The following CD247 variants were observed in gnomAD, a reference collection of about 807,000 sequenced individuals.
CD247 encodes CD247 molecule.
Under a neutral mutation model 30.0 loss-of-function variants are expected in CD247, and 13 were observed. The ratio of observed to expected loss-of-function variants is 0.43; its 90% CI spans 0.28 to 0.69. The LOEUF (loss-of-function observed/expected upper bound fraction) is 0.69. CD247 is among the 30% of genes least tolerant of loss of function. The probability of loss-of-function intolerance (pLI) is 0.16; values close to 1 mark genes in which losing one functional copy is unlikely to be tolerated. For synonymous variants in CD247, 72 were observed against 80.0 expected (o/e 0.90, Z 0.53); for missense variants, 193 against 212.6 (o/e 0.91, Z 0.57).
At chr1:167,477,576 G>A (rs976060217) in intron 1 of CD247, among the ~76,000 whole-genome samples, 1 of 152,168 alleles carries the variant, frequency 6.6e-6, no homozygotes, top group African/African-American at 2.4e-5. Flanking sequence ...GGAGTGCAGT[G>A]GCGCTCCAGC....
At chr1:167,514,633 A>T (rs1655527031) in intron 1 of CD247, among the ~76,000 whole-genome samples, 2 of 152,076 alleles carry the variant, frequency 1.3e-5, no homozygotes, top group Admixed American at 6.6e-5. Context: ...ACCATATTGA[A>T]TGTTTGTTCA....
chr1:167,469,241 C>G (rs1571555145), intron 1 of CD247, among the ~76,000 whole-genome samples: 1 of 152,196 alleles, frequency 6.6e-6, no homozygotes, highest in Admixed American at 6.5e-5. Flanking sequence ...CCCTCAGCCT[C>G]CCAAAAAGTG....
At chr1:167,482,137 T>G (rs1269803794) in intron 1 of CD247, among the ~76,000 whole-genome samples, 5 of 152,216 alleles carry the variant, frequency 3.3e-5, no homozygotes, top group Non-Finnish European at 7.3e-5. Flanking sequence ...TGAAAAGTTC[T>G]CTGGCCTGAG....
intron 1 of CD247, among the ~76,000 whole-genome samples, chr1:167,493,008 A>G (rs1207578783): frequency 7.9e-6 from 1 of 126,104 alleles, no homozygotes; most frequent in Non-Finnish European, 1.7e-5. Context: ...TCCACCCCCA[A>G]TTTTGCCCTA....
chr1:167,504,333 T>C (rs750686920), intron 1 of CD247, among the ~76,000 whole-genome samples: 37 of 152,350 alleles, frequency 2.4e-4, no homozygotes, highest in Admixed American at 4.6e-4. Context: ...CCTCTAGAAA[T>C]GTGAGTACTT....
At chr1:167,458,968 C>CAA (rs753309464) in intron 1 of CD247, among the ~76,000 whole-genome samples, 8 of 141,120 alleles carry the variant, frequency 5.7e-5, no homozygotes, top group African/African-American at 2.1e-4. Flanking sequence ...ACTAAAAATA[C>CAA]AAAAAAAAAA....
At chr1:167,480,068 C>G (rs115302366) in intron 1 of CD247, among the ~76,000 whole-genome samples, 3,062 of 152,218 alleles carry the variant, frequency 0.02, 92 homozygotes, top group African/African-American at 0.069. Flanking sequence ...GGTCTGATGC[C>G]CCGTTCCAAA....
At chr1:167,496,851 G>A (rs555277840) in intron 1 of CD247, among the ~76,000 whole-genome samples, 1 of 152,322 alleles carries the variant, frequency 6.6e-6, no homozygotes, top group African/African-American at 2.4e-5. Context: ...ACATCACCCA[G>A]GAGATCTCCA....
chr1:167,502,340 G>A (rs1282102360), intron 1 of CD247, among the ~76,000 whole-genome samples: 1 of 152,170 alleles, frequency 6.6e-6, no homozygotes, highest in Non-Finnish European at 1.5e-5. Context: ...AAGCTGGGAG[G>A]CATATTCTTA....
chr1:167,512,749 C>G (rs575309589), intron 1 of CD247, among the ~76,000 whole-genome samples: 1 of 152,310 alleles, frequency 6.6e-6, no homozygotes, highest in African/African-American at 2.4e-5. Context: ...CTCCACAGTC[C>G]CCTGCGTGAA....
At position 167,434,094 on chromosome 1, in the gene CD247, G is replaced by A; in HGVS notation, c.337-18C>T. ...TGCAGTTCCTGCAGAAGAGGGCGTG[G>A]AACACTGATTTTTACCAACTAATGC... On this transcript the variant is annotated intron_variant, in intron 5 of 7. Transcript: ENST00000362089. The A allele has an allele frequency of 1.2e-6, 2 of 1,612,186 alleles. No individual in the cohort carries two copies. The highest frequency in any genetic ancestry group is 2.2e-5 in the South Asian group (2 of 91,008).
intron 1 of CD247, among the ~76,000 whole-genome samples, chr1:167,454,523 A>C (rs1365842731): frequency 6.6e-6 from 1 of 152,284 alleles, no homozygotes; most frequent in African/African-American, 2.4e-5. Flanking sequence ...GCCCTGGCTC[A>C]GTACATTTCT....
At chr1:167,518,231 C>T (rs1046995264) in intron 1 of CD247, among the ~76,000 whole-genome samples, 177 bp downstream of exon 1, 2 of 152,102 alleles carry the variant, frequency 1.3e-5, no homozygotes, top group African/African-American at 2.4e-5. Flanking sequence ...TCGGCTGTGA[C>T]GGAGCAGATG....
rs531767587 is a variant in CD247, at chr1:167,479,449, A to T, written c.59-38682T>A. On this transcript the variant is annotated intron_variant, in intron 1 of 7. Transcript: ENST00000362089. ...TGCTGATCTAGTTTCCCCGACCATG[A>T]TTCTGTGACCACACAATGGTGGCGA... Among the ~76,000 whole-genome samples the T allele has an allele frequency of 3.9e-5, 6 of 152,290 alleles. No homozygotes were observed. The East Asian group carries it at 1.2e-3, about 29-fold the overall frequency.
chr1:167,431,671 C>T lies in CD247; in HGVS notation c.*10G>A, dbSNP rs1259580373. On this transcript the variant is annotated 3_prime_UTR_variant, in exon 8 of 8. Coordinates refer to ENST00000362089, the MANE Select transcript of CD247 (RefSeq NM_198053.3). Reference sequence around the variant, plus strand: ...AGGTCTGGCCTTTGAGTGGTGAAATCCCCTGGCTGTTAGCGAGGGGGCAGG... The same window carrying T: ...AGGTCTGGCCTTTGAGTGGTGAAATTCCCTGGCTGTTAGCGAGGGGGCAGG... 6.2e-7 allele frequency: 1 copy of T among 1,613,082 alleles called. No homozygotes were observed. Among genetic ancestry groups the T allele is most frequent in the Admixed American group, 1.7e-5 (1 of 60,020 alleles).
intron 1 of CD247, among the ~76,000 whole-genome samples, chr1:167,470,578 A>G (rs749276988): frequency 1.2e-4 from 18 of 151,162 alleles, no homozygotes; most frequent in Non-Finnish European, 2.4e-4. Flanking sequence ...AAATTAGCCA[A>G]AAACCAACCA....
At chr1:167,513,995 G>A (rs377241544) in intron 1 of CD247, among the ~76,000 whole-genome samples, 10 of 151,970 alleles carry the variant, frequency 6.6e-5, no homozygotes, top group Non-Finnish European at 1.3e-4. Context: ...TTAATACTAC[G>A]TTCTCTAGAG....
At chr1:167,448,006 G>A (rs1331116679) in intron 1 of CD247, among the ~76,000 whole-genome samples, 1 of 152,118 alleles carries the variant, frequency 6.6e-6, no homozygotes, top group African/African-American at 2.4e-5. Flanking sequence ...GCAGGGTGCT[G>A]GGTGTGATGC....
In CD247 at chr1:167,489,257, T is replaced by C. The variant is rs150362131; in HGVS notation, c.58+29151A>G. Reference sequence around the variant, plus strand: ...ATGATAATTTAAACTATATATGATATTAAATTAGCACTCCAATAGCAAAAA... The same window carrying C: ...ATGATAATTTAAACTATATATGATACTAAATTAGCACTCCAATAGCAAAAA... On this transcript the variant is annotated intron_variant, in intron 1 of 7. Transcript: ENST00000362089. 3.2e-3 allele frequency among the ~76,000 whole-genome samples: 487 copies of C among 152,280 alleles called. 5 individuals are homozygous for C. The highest frequency in any genetic ancestry group is 0.011 in the African/African-American group (458 of 41,554).
Sources: gnomAD v4.1 joint callset for allele counts (sites outside exome capture counted in the v4.1 genomes callset) on GRCh38, gnomAD v4.1.1 for gene constraint, MANE v1.5 for transcripts, NCBI Gene and HGNC (gene_info 2026-07-23, HGNC 2026-07-21) for gene names.